The following EYS variants were observed in gnomAD, a reference collection of about 807,000 sequenced individuals.
EYS encodes protein eyes shut homolog.
In EYS, 250 loss-of-function variants were observed where a neutral mutation model predicts 282.1. The ratio of observed to expected loss-of-function variants is 0.89; its 90% CI spans 0.80 to 0.98. The LOEUF is 0.98. Ranked by LOEUF, EYS falls within the 50% of genes least tolerant of loss-of-function variation. EYS has a pLI of 0.00. For missense variants in EYS, 4,016 were observed against 3,709.0 expected (o/e 1.08, Z -2.15); for synonymous variants, 1,355 against 1,282.9 (o/e 1.06, Z -1.20).
At chr6:65,371,735 C>CTGTGTG (rs1321007648) in intron 8 of EYS, among the ~76,000 whole-genome samples, 2 of 47,914 alleles carry the variant, frequency 4.2e-5, no homozygotes, top group African/African-American at 1.3e-4. Context: ...CTCTCTCTCT[C>CTGTGTG]TCTCTCTGTG....
chr6:65,645,289 A>G (rs769227583), intron 1 of EYS, among the ~76,000 whole-genome samples: 1 of 152,202 alleles, frequency 6.6e-6, no homozygotes, highest in Non-Finnish European at 1.5e-5. Flanking sequence ...ATAGGCCACA[A>G]ATAAGTCTCA....
chr6:65,123,230 C>A (rs1775616343), intron 12 of EYS, among the ~76,000 whole-genome samples: 2 of 152,002 alleles, frequency 1.3e-5, no homozygotes, highest in African/African-American at 4.8e-5. Context: ...AAAGCTTGAG[C>A]TATTATTTTT....
intron 14 of EYS, among the ~76,000 whole-genome samples, chr6:64,973,396 T>A (rs1770363594): frequency 6.6e-6 from 1 of 152,024 alleles, no homozygotes; most frequent in African/African-American, 2.4e-5. Context: ...ATCATCATAG[T>A]CTGTGCTGTG....
intron 41 of EYS, among the ~76,000 whole-genome samples, chr6:63,742,990 G>A (rs1769122935): frequency 6.6e-6 from 1 of 152,006 alleles, no homozygotes; most frequent in African/African-American, 2.4e-5. Context: ...TAAATGTCCA[G>A]CAATGTGATT....
intron 12 of EYS, among the ~76,000 whole-genome samples, chr6:65,179,440 A>G (rs533482576): frequency 7.9e-5 from 12 of 152,304 alleles, no homozygotes; most frequent in Admixed American, 7.2e-4. Context: ...ACCTCTGCGC[A>G]AATAAACTAG....
chr6:64,535,157 A>C (rs571854198), intron 26 of EYS, among the ~76,000 whole-genome samples: 2 of 152,222 alleles, frequency 1.3e-5, no homozygotes, highest in African/African-American at 2.4e-5. Flanking sequence ...TTTGCACTCT[A>C]AACTCACCAA....
intron 26 of EYS, among the ~76,000 whole-genome samples, chr6:64,532,407 G>A (rs1466466379): frequency 6.6e-6 from 1 of 152,076 alleles, no homozygotes. Flanking sequence ...GAAAATTACA[G>A]GAAACATTTA....
intron 22 of EYS, among the ~76,000 whole-genome samples, chr6:64,686,358 A>G (rs950362468): frequency 1.2e-4 from 18 of 152,182 alleles, no homozygotes; most frequent in African/African-American, 4.1e-4. Context: ...AATGAAATAA[A>G]TAAATGCCTG....
At chr6:65,174,131 C>G (rs529330306) in intron 12 of EYS, among the ~76,000 whole-genome samples, 2 of 151,204 alleles carry the variant, frequency 1.3e-5, no homozygotes, top group African/African-American at 2.4e-5. Flanking sequence ...AAACTTCACC[C>G]ACAAACCCAA....
At chr6:65,644,866 G>C (rs1428336907) in intron 1 of EYS, among the ~76,000 whole-genome samples, 1 of 152,164 alleles carries the variant, frequency 6.6e-6, no homozygotes, top group East Asian at 1.9e-4. Flanking sequence ...AACAAAAGCT[G>C]TGAGAATTCG....
intron 26 of EYS, among the ~76,000 whole-genome samples, chr6:64,458,563 C>A (rs2150483083): frequency 6.7e-6 from 1 of 148,228 alleles, no homozygotes; most frequent in Admixed American, 6.8e-5. Flanking sequence ...TGTTGAAACT[C>A]CCTTATATTT....
chr6:64,936,251 A>G (rs974613800), intron 15 of EYS, among the ~76,000 whole-genome samples: 1 of 151,076 alleles, frequency 6.6e-6, no homozygotes, highest in African/African-American at 2.4e-5. Context: ...TATAAAAAAC[A>G]AAACAAAAAA....
chr6:64,248,183 T>TTG (rs10589491), intron 30 of EYS, among the ~76,000 whole-genome samples: 2,713 of 146,374 alleles, frequency 0.019, 72 homozygotes, highest in African/African-American at 0.06. Context: ...CAGAAGAAGC[T>TTG]TGTGTGTGTG....
chr6:64,076,745 TG>T (rs1771785112), intron 32 of EYS, among the ~76,000 whole-genome samples: 1 of 151,940 alleles, frequency 6.6e-6, no homozygotes, highest in African/African-American at 2.4e-5. Flanking sequence ...TACCCAGTCT[TG>T]GGTATGTCTT....
At chr6:63,932,220 A>G (rs913705166) in intron 35 of EYS, among the ~76,000 whole-genome samples, 13 of 152,162 alleles carry the variant, frequency 8.5e-5, no homozygotes, top group African/African-American at 3.1e-4. Flanking sequence ...CATTTTCCTT[A>G]TCTATTCATT....
intron 31 of EYS, among the ~76,000 whole-genome samples, chr6:64,114,932 C>T (rs1364678139): frequency 1.3e-5 from 2 of 152,156 alleles, no homozygotes; most frequent in Non-Finnish European, 2.9e-5. Context: ...CCCCAGCTCC[C>T]CTGCAGCCCC....
chr6:64,897,313 G>A (rs1009283127), intron 18 of EYS, among the ~76,000 whole-genome samples: 1 of 152,042 alleles, frequency 6.6e-6, no homozygotes, highest in African/African-American at 2.4e-5. Context: ...AGGCAAACAG[G>A]GTCCGCAGTG....
intron 2 of EYS, among the ~76,000 whole-genome samples, chr6:65,596,765 A>T (rs1461472893): frequency 6.6e-6 from 1 of 152,114 alleles, no homozygotes; most frequent in Non-Finnish European, 1.5e-5. Context: ...TAAAACTAGA[A>T]ATATTCATTA....
At chr6:63,726,810 G>T in intron 41 of EYS, 130 bp from the exon 42 acceptor site, 1 of 770,350 alleles carries the variant, frequency 1.3e-6, no homozygotes, top group Non-Finnish European at 2.1e-6. Context: ...GCTTGTAGGT[G>T]AGTACATCAA....
Sources: allele counts gnomAD v4.1 joint callset (sites outside exome capture counted in the v4.1 genomes callset), GRCh38; gene constraint gnomAD v4.1.1; transcripts MANE v1.5; gene names NCBI Gene and HGNC (gene_info 2026-07-23, HGNC 2026-07-21).